ATP7A: variants seen among roughly 807,000 people sequenced by gnomAD.
ATP7A encodes the protein ATPase copper transporting alpha.
Under a neutral mutation model 83.5 loss-of-function variants are expected in ATP7A, and 7 were observed. The ratio of observed to expected loss-of-function variants is 0.08; its 90% CI spans 0.05 to 0.16. ATP7A has a LOEUF of 0.16. Ranked by LOEUF, ATP7A falls within the 10% of genes least tolerant of loss-of-function variation. ATP7A has a pLI of 1.00. For synonymous variants in ATP7A, 354 were observed against 395.2 expected (o/e 0.90, Z 1.24); for missense variants, 940 against 1,120.8 (o/e 0.84, Z 2.30).
intron 1 of ATP7A, among the ~76,000 whole-genome samples, chrX:77,950,899 A>G (rs1198866285): frequency 9.1e-6 from 1 of 110,125 alleles, no homozygotes; most frequent in East Asian, 2.8e-4. Flanking sequence ...GCGCATACAT[A>G]TAGTCCCAGC....
intron 16 of ATP7A, among the ~76,000 whole-genome samples, chrX:78,032,161 C>A (rs190723913): frequency 8.9e-6 from 1 of 111,792 alleles, no homozygotes; most frequent in Admixed American, 9.5e-5. Context: ...TGTTACCTTG[C>A]TTTTTTATTT....
At chrX:78,035,799 G>A (rs1603390095) in intron 17 of ATP7A, among the ~76,000 whole-genome samples, 2 of 111,461 alleles carry the variant, frequency 1.8e-5, no homozygotes, top group Non-Finnish European at 3.8e-5. Flanking sequence ...GTGAACTTAC[G>A]CTTATCTTTC....
intron 2 of ATP7A, among the ~76,000 whole-genome samples, chrX:77,984,511 G>T (rs2077624124): frequency 9.1e-6 from 1 of 109,990 alleles, no homozygotes; most frequent in Non-Finnish European, 1.9e-5. Context: ...GGGATTACAG[G>T]CACCCACCAC....
intron 1 of ATP7A, among the ~76,000 whole-genome samples, chrX:77,952,885 C>T (rs782182450): frequency 6.0e-4 from 65 of 108,426 alleles, no homozygotes; most frequent in Non-Finnish European, 1.1e-3. Flanking sequence ...GGGCTCAAGC[C>T]GTCCTCCCAC....
chrX:77,985,174 A>C (rs2077628238), intron 2 of ATP7A, among the ~76,000 whole-genome samples: 3 of 110,224 alleles, frequency 2.7e-5, no homozygotes, highest in Non-Finnish European at 5.7e-5. Flanking sequence ...GTGTGTCACC[A>C]TGCCTGGGTA....
intron 12 of ATP7A, among the ~76,000 whole-genome samples, chrX:78,018,498 C>G (rs2077883674): frequency 1.8e-5 from 2 of 111,405 alleles, no homozygotes; most frequent in Admixed American, 9.5e-5. Flanking sequence ...GTGCGAAACT[C>G]TGTTACAAAA....
chrX:78,043,062 G>A (rs782704776), intron 20 of ATP7A, among the ~76,000 whole-genome samples: 1 of 112,215 alleles, frequency 8.9e-6, no homozygotes, highest in East Asian at 2.8e-4. Flanking sequence ...TCAACAAATA[G>A]TTGCTGAGAT....
chrX:78,009,046 AT>A, intron 6 of ATP7A, 55 bp from the exon 7 acceptor site: 1 of 1,131,132 alleles, frequency 8.8e-7, no homozygotes, highest in Non-Finnish European at 1.2e-6. Context: ...GTGGTAACTC[AT>A]GTTTAATGGT....
rs1471993920 is a variant in ATP7A at position 78,047,946 on chromosome X, G to A, written c.*1376G>A. ...TTTAATAGATTTTATTTATCTTTTA[G>A]TGTTTCAGATAACCTCTCAAAAAGA... On this transcript the variant is annotated 3_prime_UTR_variant, in exon 23 of 23. Transcript: ENST00000341514. 1 of 111,806 alleles carries A rather than the reference G, an allele frequency of 8.9e-6. No individual in the cohort carries two copies. Among genetic ancestry groups the A allele is most frequent in the African/African-American group, 3.3e-5 (1 of 30,726 alleles). 9.2% of individuals were successfully genotyped at this position (111,806 alleles called of 1,213,427 possible).
intron 1 of ATP7A, among the ~76,000 whole-genome samples, chrX:77,951,819 G>C (rs1464217731): frequency 8.9e-6 from 1 of 111,935 alleles, no homozygotes; most frequent in Non-Finnish European, 1.9e-5. Context: ...GACCTCAGGT[G>C]ATCCGCCTGC....
At chrX:77,966,548 G>A (rs1399964641) in intron 1 of ATP7A, among the ~76,000 whole-genome samples, 1 of 111,944 alleles carries the variant, frequency 8.9e-6, no homozygotes, top group African/African-American at 3.2e-5. Context: ...GACACATATT[G>A]AATGAATCAA....
intron 1 of ATP7A, among the ~76,000 whole-genome samples, chrX:77,968,188 G>T (rs2077521136): frequency 9.0e-6 from 1 of 110,703 alleles, no homozygotes; most frequent in African/African-American, 3.3e-5. Context: ...AGAGGTCAAG[G>T]AGCTGATCCT....
chrX:78,012,590 TAA>T (rs782360257), intron 9 of ATP7A, among the ~76,000 whole-genome samples: 72 of 81,290 alleles, frequency 8.9e-4, no homozygotes, highest in Middle Eastern at 6.0e-3. Context: ...GACTGTCTCT[TAA>T]AAAAAAAAAA....
At chrX:77,997,563 T>C (rs782685490) in intron 4 of ATP7A, among the ~76,000 whole-genome samples, 1 of 111,121 alleles carries the variant, frequency 9.0e-6, no homozygotes, top group East Asian at 2.8e-4. Flanking sequence ...CTAGTGGAAA[T>C]TTGCTCTTTT....
Position 78,011,521 on chromosome X carries a change from T to C in ATP7A, c.2019T>C (p.Val673=). The C allele has an allele frequency of 1.7e-6, 2 of 1,211,032 alleles. No homozygotes were observed. Among genetic ancestry groups the C allele is most frequent in the Non-Finnish European group, 2.2e-6 (2 of 895,041 alleles). ...PVMGLMIYMM[V]MDHHFATLHH... ...TGGGGCTGATGATATATATGATGGT[T>C]ATGGACCACCACTTTGCAACTCTTC... Residue 673 remains valine (V), a synonymous_variant, in exon 9 of 23, where the codon GTT becomes GTC. Transcript: ENST00000341514.
At chrX:77,924,273 ATAGT>A (rs781922104) in intron 1 of ATP7A, 1 of 112,387 alleles carries the variant, frequency 8.9e-6, no homozygotes, top group Non-Finnish European at 1.9e-5. Context: ...AATTCCATAA[ATAGT>A]TAATATTGTT....
At position 78,029,492 on chromosome X, in the gene ATP7A, G is replaced by A. The variant is rs782353148; in HGVS notation, c.3111+48G>A. ...AACCTGTACCACCAAACTATCAATA[G>A]CACCCCTCACATGTGAGAAACACAT... is the stretch of plus-strand genomic sequence containing the variant. On this transcript the variant is annotated intron_variant, in intron 15 of 22. Coordinates refer to ENST00000341514, the MANE Select transcript of ATP7A (RefSeq NM_000052.7). 1.1e-5 allele frequency: 12 copies of A among 1,112,434 alleles called. No individual in the cohort carries two copies. In the East Asian group the frequency reaches 3.6e-4, roughly 33 times the overall value. The allele number at this position is 1,112,434 out of a possible 1,213,427, so 91.7% of individuals were successfully genotyped here. A position where few individuals can be genotyped will look rare whatever the true frequency, so the allele number is the denominator to read the frequency against.
intron 6 of ATP7A, among the ~76,000 whole-genome samples, chrX:78,005,676 T>C (rs1420884283): frequency 3.4e-5 from 1 of 29,213 alleles, no homozygotes; most frequent in African/African-American, 1.5e-4. Context: ...ACAGTGAAAC[T>C]CCATCTCAAA....
At chrX:77,933,334 G>A (rs2077300261) in intron 1 of ATP7A, among the ~76,000 whole-genome samples, 1 of 111,169 alleles carries the variant, frequency 9.0e-6, no homozygotes, top group Non-Finnish European at 1.9e-5. Flanking sequence ...CAGGGGTCTT[G>A]CTGTGTTACC....
Sources: gnomAD v4.1 joint callset for allele counts (sites outside exome capture counted in the v4.1 genomes callset) on GRCh38, gnomAD v4.1.1 for gene constraint, MANE v1.5 for transcripts, NCBI Gene and HGNC (gene_info 2026-07-23, HGNC 2026-07-21) for gene names.